The following CUX2 variants were observed in gnomAD, a reference collection of about 807,000 sequenced individuals.
CUX2 encodes the protein homeobox protein cut-like 2.
In CUX2, 40 loss-of-function variants were observed where a neutral mutation model predicts 144.8. The ratio of observed to expected loss-of-function variants is 0.28; its 90% CI spans 0.21 to 0.36. The LOEUF is 0.36. Ranked by LOEUF, CUX2 falls within the 10% of genes least tolerant of loss-of-function variation. The pLI is 1.00. For missense variants in CUX2, 1,615 were observed against 1,994.0 expected (o/e 0.81, Z 3.62); for synonymous variants, 827 against 875.6 (o/e 0.94, Z 0.98).
At chr12:111,134,894 T>G (rs1875758693) in intron 1 of CUX2, among the ~76,000 whole-genome samples, 1 of 152,148 alleles carries the variant, frequency 6.6e-6, no homozygotes, top group Admixed American at 6.5e-5. Flanking sequence ...GCTAGTTCAG[T>G]GTGATCTAAA....
intron 3 of CUX2, among the ~76,000 whole-genome samples, chr12:111,248,545 C>T (rs1287298646): frequency 1.3e-5 from 2 of 151,996 alleles, no homozygotes; most frequent in African/African-American, 4.8e-5. Flanking sequence ...CATTGTCTGT[C>T]TGTCACCCGG....
At chr12:111,337,936 G>A (rs948531537) in intron 19 of CUX2, among the ~76,000 whole-genome samples, 17 of 152,238 alleles carry the variant, frequency 1.1e-4, no homozygotes, top group African/African-American at 3.6e-4. Context: ...TCGGGAGGCT[G>A]AGGCAGGAGA....
intron 1 of CUX2, among the ~76,000 whole-genome samples, chr12:111,203,466 G>T (rs1880729712): frequency 6.6e-6 from 1 of 151,364 alleles, no homozygotes; most frequent in African/African-American, 2.4e-5. Flanking sequence ...GATCGCTTGA[G>T]CCCAGAAGGT....
intron 8 of CUX2, among the ~76,000 whole-genome samples, chr12:111,298,185 T>C (rs1369648830): frequency 6.6e-6 from 1 of 152,128 alleles, no homozygotes. Flanking sequence ...AAGTGACCAC[T>C]GGGGACAGTG....
intron 3 of CUX2, among the ~76,000 whole-genome samples, chr12:111,232,304 C>G (rs1169056785): frequency 6.6e-6 from 1 of 151,830 alleles, no homozygotes; most frequent in East Asian, 1.9e-4. Flanking sequence ...TTGCTTGAGA[C>G]CAGCATGGGC....
At chr12:111,046,288 G>C (rs1869991796) in intron 1 of CUX2, among the ~76,000 whole-genome samples, 1 of 152,262 alleles carries the variant, frequency 6.6e-6, no homozygotes, top group Admixed American at 6.5e-5. Flanking sequence ...GGAGAGACCA[G>C]TGCAGGCCTG....
At chr12:111,094,959 T>A (rs565757234) in intron 1 of CUX2, among the ~76,000 whole-genome samples, 2 of 152,300 alleles carry the variant, frequency 1.3e-5, no homozygotes, top group African/African-American at 4.8e-5. Context: ...AGTTACAGAA[T>A]TGTCCCCTGG....
chr12:111,062,152 T>G (rs1870806036), intron 1 of CUX2, among the ~76,000 whole-genome samples: 1 of 152,178 alleles, frequency 6.6e-6, no homozygotes, highest in Non-Finnish European at 1.5e-5. Flanking sequence ...ACTTAATCCT[T>G]GCGGAATGAA....
chr12:111,302,990 G>A (rs1425480501), intron 9 of CUX2, among the ~76,000 whole-genome samples: 1 of 150,146 alleles, frequency 6.7e-6, no homozygotes, highest in Non-Finnish European at 1.5e-5. Flanking sequence ...GGGAAGCCAA[G>A]GCAAGTGGGT....
At chr12:111,091,926 C>G (rs1872580503) in intron 1 of CUX2, among the ~76,000 whole-genome samples, 1 of 152,242 alleles carries the variant, frequency 6.6e-6, no homozygotes, top group Non-Finnish European at 1.5e-5. Context: ...CCACCCTAAT[C>G]CGATATGCTC....
intron 4 of CUX2, among the ~76,000 whole-genome samples, chr12:111,286,971 G>C (rs957271360): frequency 6.6e-6 from 1 of 152,168 alleles, no homozygotes; most frequent in East Asian, 1.9e-4. Context: ...CCCTGAGCTG[G>C]ACTTTGGATT....
At chr12:111,113,183 G>A (rs1462519605) in intron 1 of CUX2, among the ~76,000 whole-genome samples, 1 of 152,090 alleles carries the variant, frequency 6.6e-6, no homozygotes, top group Non-Finnish European at 1.5e-5. Context: ...GGACCCGCTG[G>A]GGAGGAGCCT....
intron 1 of CUX2, among the ~76,000 whole-genome samples, chr12:111,156,226 G>A (rs1213734433): frequency 6.6e-6 from 1 of 152,026 alleles, no homozygotes. Flanking sequence ...TTTCCCTCCT[G>A]CCCTCATCCC....
chr12:111,232,714 C>T (rs1882540304), intron 3 of CUX2, among the ~76,000 whole-genome samples: 1 of 152,164 alleles, frequency 6.6e-6, no homozygotes, highest in South Asian at 2.1e-4. Context: ...TGACCCCTTA[C>T]AGGGAAAGTT....
chr12:111,329,632 T>TTTTG (rs1378670510), intron 18 of CUX2, among the ~76,000 whole-genome samples: 1 of 152,030 alleles, frequency 6.6e-6, no homozygotes, highest in African/African-American at 2.4e-5. Context: ...TTTTTGTGTT[T>TTTTG]TTTGTTTGTT....
intron 20 of CUX2, among the ~76,000 whole-genome samples, chr12:111,338,807 G>C (rs1207018790): frequency 6.6e-6 from 1 of 151,996 alleles, no homozygotes; most frequent in Non-Finnish European, 1.5e-5. Context: ...TAAGGCAGGA[G>C]GATCGTTCAA....
At chr12:111,131,206 GA>G (rs1024897506) in intron 1 of CUX2, among the ~76,000 whole-genome samples, 2 of 152,216 alleles carry the variant, frequency 1.3e-5, no homozygotes, top group South Asian at 2.1e-4. Flanking sequence ...GGTGGCAAGA[GA>G]AAAAAATGAG....
At chr12:111,105,084 G>A (rs2136074428) in intron 1 of CUX2, among the ~76,000 whole-genome samples, 1 of 152,288 alleles carries the variant, frequency 6.6e-6, no homozygotes, top group Non-Finnish European at 1.5e-5. Flanking sequence ...AGGGACCTGG[G>A]CTCATCGCTA....
intron 3 of CUX2, among the ~76,000 whole-genome samples, chr12:111,240,191 G>A (rs1882954551): frequency 6.6e-6 from 1 of 152,234 alleles, no homozygotes; most frequent in Admixed American, 6.5e-5. Flanking sequence ...TTTGAGCCCA[G>A]GCTCACTAGC....
Sources: allele counts gnomAD v4.1 joint callset (sites outside exome capture counted in the v4.1 genomes callset), GRCh38; gene constraint gnomAD v4.1.1; transcripts MANE v1.5; gene names NCBI Gene and HGNC (gene_info 2026-07-23, HGNC 2026-07-21).